ULK4: variants seen among roughly 807,000 people sequenced by gnomAD.
ULK4 encodes inactive serine/threonine-protein kinase ULK4.
Under a neutral mutation model 160.6 loss-of-function variants are expected in ULK4, and 133 were observed. The ratio of observed to expected loss-of-function variants is 0.83; its 90% CI spans 0.72 to 0.96. The LOEUF (loss-of-function observed/expected upper bound fraction) is 0.96, where lower values mean the gene tolerates loss of function less well. Among genes scored for constraint, ULK4 ranks in the 40% least tolerant of loss-of-function variants. ULK4 has a pLI of 0.00. For synonymous variants in ULK4, 534 were observed against 539.8 expected (o/e 0.99, Z 0.15); for missense variants, 1,580 against 1,499.5 (o/e 1.05, Z -0.89).
At chr3:41,658,859 A>C (rs1344038256) in intron 30 of ULK4, among the ~76,000 whole-genome samples, 1 of 152,156 alleles carries the variant, frequency 6.6e-6, no homozygotes, top group East Asian at 1.9e-4. Flanking sequence ...TTAACTCTGA[A>C]AAATAAATTT....
chr3:41,492,792 A>G (rs572066956), intron 32 of ULK4, among the ~76,000 whole-genome samples: 4 of 148,790 alleles, frequency 2.7e-5, no homozygotes, highest in African/African-American at 9.9e-5. Context: ...TCTCTGATAA[A>G]ACAGACTTTA....
In ULK4 at chr3:41,458,017, G is replaced by C. The variant is rs540086040; in HGVS notation, c.3394-2422C>G. ...TTAGATGTGGGATATAAAAAAAGAG[G>C]GAAATTTTAAGAACGCCTCCAGGTT... On this transcript the variant is annotated intron_variant, in intron 33 of 36. Coordinates refer to ENST00000301831, the MANE Select transcript of ULK4 (RefSeq NM_017886.4). Among the ~76,000 whole-genome samples the C allele has an allele frequency of 3.3e-5, 5 of 152,244 alleles. No homozygotes were observed. In the South Asian group the frequency reaches 1.0e-3, roughly 32 times the overall value.
intron 19 of ULK4, among the ~76,000 whole-genome samples, chr3:41,810,606 G>C (rs1447045472): frequency 6.6e-6 from 1 of 152,134 alleles, no homozygotes; most frequent in African/African-American, 2.4e-5. Context: ...CTTGAGCTTA[G>C]GAGTTCAAGA....
At chr3:41,353,699 T>TTACTACTAC (rs4016416) in intron 35 of ULK4, among the ~76,000 whole-genome samples, 49 of 143,958 alleles carry the variant, frequency 3.4e-4, no homozygotes, top group East Asian at 1.0e-3. Context: ...ATAATTACAA[T>TTACTACTAC]TACTACTACT....
rs192995690 is a variant in ULK4, at chr3:41,864,541, C to T, written c.1656+19333G>A. Among the ~76,000 whole-genome samples, 6 of 152,134 alleles carry T rather than the reference C, an allele frequency of 3.9e-5. No individual in the cohort carries two copies. In the East Asian group the frequency reaches 5.8e-4, roughly 15 times the overall value. Reference sequence around the variant, plus strand: ...ATGATAGGTGGAATCCTCTATTCCACCATCTTGCTCTACCTCATTATTCTC... The same window carrying T: ...ATGATAGGTGGAATCCTCTATTCCATCATCTTGCTCTACCTCATTATTCTC... On this transcript the variant is annotated intron_variant, in intron 17 of 36. Transcript: ENST00000301831.
At chr3:41,663,019 G>A (rs1340327608) in intron 30 of ULK4, among the ~76,000 whole-genome samples, 5 of 151,860 alleles carry the variant, frequency 3.3e-5, no homozygotes, top group Non-Finnish European at 7.4e-5. Flanking sequence ...TCAGGAGTTC[G>A]AGACCAGCCT....
At chr3:41,901,011 A>ACCAT (rs1281209176) in intron 12 of ULK4, among the ~76,000 whole-genome samples, 182 bp from the exon 13 acceptor site, 1 of 151,984 alleles carries the variant, frequency 6.6e-6, no homozygotes, top group African/African-American at 2.4e-5. Context: ...AACTGTAGGC[A>ACCAT]CCATCATTCC....
chr3:41,525,334 C>A (rs766020304), intron 32 of ULK4, among the ~76,000 whole-genome samples: 3 of 152,130 alleles, frequency 2.0e-5, no homozygotes, highest in Non-Finnish European at 4.4e-5. Context: ...GTTTTAATTT[C>A]TTAATTGAAT....
intron 34 of ULK4, among the ~76,000 whole-genome samples, chr3:41,448,201 C>G (rs530727989): frequency 1.4e-4 from 21 of 152,038 alleles, no homozygotes; most frequent in Non-Finnish European, 3.1e-4. Flanking sequence ...TTTTTGGTAC[C>G]AGGTAACAGG....
At chr3:41,953,158 C>A (rs1286058191) in intron 2 of ULK4, among the ~76,000 whole-genome samples, 1 of 151,372 alleles carries the variant, frequency 6.6e-6, no homozygotes, top group Non-Finnish European at 1.5e-5. Context: ...ACTTATTATC[C>A]CTAAACTGTA....
intron 35 of ULK4, among the ~76,000 whole-genome samples, chr3:41,392,880 T>C (rs1320657635): frequency 5.3e-5 from 8 of 152,274 alleles, no homozygotes; most frequent in South Asian, 4.1e-4. Flanking sequence ...CTGATTCTTC[T>C]GCTCCAGTGA....
At chr3:41,694,779 A>AT (rs1369026610) in intron 27 of ULK4, among the ~76,000 whole-genome samples, 1 of 152,070 alleles carries the variant, frequency 6.6e-6, no homozygotes, top group African/African-American at 2.4e-5. Flanking sequence ...AATTTGTATT[A>AT]TTTTTATTGT....
rs374257978 is a variant in ULK4, at chr3:41,911,343, T to C, written c.1059A>G (p.Gln353=). Residue 353 remains glutamine (Q), a synonymous_variant, in exon 11 of 37, where the codon CAA becomes CAG. Transcript: ENST00000301831. ...EFRPKSTLEG[Q]LNESMFLLSS... is the part of the protein sequence containing the mutation. The stretch of plus-strand genomic sequence containing the variant: ...TGAGAAGAAACATGGATTCATTCAA[T>C]TGACCCTCAAGAGTACTCTTAGGCC... The C allele has an allele frequency of 1.2e-5, 20 of 1,614,140 alleles. No homozygotes were observed. The highest frequency in any genetic ancestry group is 1.6e-4 in the Middle Eastern group (1 of 6,062).
At position 41,911,611 on chromosome 3, in the gene ULK4, C is replaced by CAA. The variant is rs777293255; in HGVS notation, c.943_944dup (p.Leu315PhefsTer19). ...TTGCTTGTCTACTCTGAGAGTTCTGCAAAAGCTCCTTGGAATCTTGTGGCC... is the reference window on the plus strand; with the variant it reads ...TTGCTTGTCTACTCTGAGAGTTCTGCAAAAAAGCTCCTTGGAATCTTGTGGCC... On this transcript the variant is annotated frameshift_variant, in exon 10 of 37. Coordinates refer to ENST00000301831, the MANE Select transcript of ULK4 (RefSeq NM_017886.4). LOFTEE classifies it high-confidence loss of function. 5.0e-6 allele frequency: 8 copies of CAA among 1,614,008 alleles called. No homozygotes were observed. The South Asian group carries it at 8.8e-5, about 18-fold the overall frequency.
At chr3:41,473,134 ACATTC>A (rs2084036386) in intron 32 of ULK4, among the ~76,000 whole-genome samples, 2 of 152,236 alleles carry the variant, frequency 1.3e-5, no homozygotes, top group Non-Finnish European at 2.9e-5. Context: ...AGGTAACATT[ACATTC>A]AATGATGAAA....
chr3:41,657,817 TTA>T (rs1491563010), intron 30 of ULK4, among the ~76,000 whole-genome samples: 1 of 27,392 alleles, frequency 3.7e-5, no homozygotes, highest in Non-Finnish European at 5.9e-5. Context: ...CTCCATCTCA[TTA>T]AAAAAAAAAA....
chr3:41,831,007 AT>A (rs757743394), intron 18 of ULK4, among the ~76,000 whole-genome samples: 714 of 146,758 alleles, frequency 4.9e-3, no homozygotes, highest in Middle Eastern at 0.021. Flanking sequence ...TGTTTTTATT[AT>A]TTTTTTTATT....
intron 35 of ULK4, among the ~76,000 whole-genome samples, chr3:41,255,091 TA>T (rs1167323471): frequency 2.0e-5 from 3 of 151,410 alleles, no homozygotes. Flanking sequence ...ATATCTCTTA[TA>T]TATAATTATA....
intron 29 of ULK4, among the ~76,000 whole-genome samples, chr3:41,668,185 TG>T (rs2035411509): frequency 6.6e-6 from 1 of 152,166 alleles, no homozygotes; most frequent in African/African-American, 2.4e-5. Context: ...GAGTGTGCTC[TG>T]AGAATTTGAA....
Sources: allele counts gnomAD v4.1 joint callset (sites outside exome capture counted in the v4.1 genomes callset), GRCh38; gene constraint gnomAD v4.1.1; transcripts MANE v1.5; gene names NCBI Gene and HGNC (gene_info 2026-07-23, HGNC 2026-07-21).